The following SLC35F6 variants were observed in gnomAD, a reference collection of about 807,000 sequenced individuals.
SLC35F6 encodes solute carrier family 35 member F6.
SLC35F6 carries 26 observed loss-of-function variants against 29.4 expected under a neutral mutation model. The observed-to-expected ratio is 0.89, with a 90% CI of 0.65 to 1.23. The LOEUF is 1.23. SLC35F6 is among the 50% of genes most tolerant of loss of function. SLC35F6 has a pLI of 0.00. For missense variants in SLC35F6, 428 were observed against 487.8 expected (o/e 0.88, Z 1.15); for synonymous variants, 174 against 206.6 (o/e 0.84, Z 1.35).
intron 1 of SLC35F6, among the ~76,000 whole-genome samples, chr2:26,772,818 A>T (rs1220211063): frequency 1.3e-5 from 2 of 152,216 alleles, no homozygotes; most frequent in Non-Finnish European, 2.9e-5. Flanking sequence ...CAAGACAGAG[A>T]ATTTTCATGC....
intron 1 of SLC35F6, among the ~76,000 whole-genome samples, chr2:26,769,847 C>T (rs1395836574): frequency 1.3e-5 from 2 of 152,158 alleles, no homozygotes; most frequent in African/African-American, 4.8e-5. Flanking sequence ...GAATACCTGC[C>T]ATGTGCCAGG....
Position 26,764,323 on chromosome 2 carries a change from C to T in SLC35F6, c.-27C>T, listed in dbSNP as rs371944221. On this transcript the variant is annotated 5_prime_UTR_variant, in exon 1 of 6. Coordinates refer to ENST00000344420, the MANE Select transcript of SLC35F6 (RefSeq NM_017877.4). ...GGGTGACGGGGCCCGGCGCCGCTAA[C>T]TGGAGCGAACCCCAGCGTCCGCCGA... 1 of 1,548,594 alleles carries T rather than the reference C, an allele frequency of 6.5e-7. No homozygotes were observed. Among genetic ancestry groups the T allele is most frequent in the African/African-American group, 1.4e-5 (1 of 72,802 alleles).
Position 26,775,126 on chromosome 2 carries a change from C to T in SLC35F6, c.233C>T (p.Ser78Phe), listed in dbSNP as rs116799060. Residue 78 changes from serine to phenylalanine, a missense_variant, in exon 3 of 6, where the codon TCC becomes TTC. Physicochemically the swap from Ser to Phe is radical, Grantham distance 155. Coordinates refer to ENST00000344420, the MANE Select transcript of SLC35F6 (RefSeq NM_017877.4). The surrounding 1 kb of genome is among the most constrained non-coding windows in gnomAD (Gnocchi z 4.6). Reference sequence around the variant, plus strand: ...TGCAGAGCTGCAGGGCAATCAGACTCCAGCGTAGACCCCCAGCAGCCCTTC... The same window carrying T: ...TGCAGAGCTGCAGGGCAATCAGACTTCAGCGTAGACCCCCAGCAGCCCTTC... The part of the protein sequence containing the change: ...LRCRAAGQSD[S>F]SVDPQQPFNP... 6.2e-7 allele frequency: 1 copy of T among 1,614,154 alleles called. No individual in the cohort carries two copies. Among genetic ancestry groups the T allele is most frequent in the Non-Finnish European group, 8.5e-7 (1 of 1,180,040 alleles).
chr2:26,778,143 T>C lies in SLC35F6; in HGVS notation c.748T>C (p.Leu250=), dbSNP rs928979208. Residue 250 remains leucine, a synonymous_variant, in exon 6 of 6, where the codon TTG becomes CTG. Transcript: ENST00000344420. ...CCCTCGTGGGACACTGGAGGATGCA[T>C]TGGACGCCTTCTGCCAGGTGGGCCA... The part of the protein sequence containing the change: ...GNPRGTLEDA[L]DAFCQVGQQP... 14 of 1,614,190 alleles carry C rather than the reference T, an allele frequency of 8.7e-6. No individual in the cohort carries two copies. The highest frequency in any genetic ancestry group is 4.4e-5 in the South Asian group (4 of 91,080).
In SLC35F6 at chr2:26,778,084, T is replaced by G. The variant is rs997737574; in HGVS notation, c.689T>G (p.Met230Arg). Residue 230 changes from methionine (M) to arginine (R), a missense_variant, in exon 6 of 6, where the codon ATG becomes AGG. Met to Arg is a moderately conservative substitution (Grantham distance 91, BLOSUM62 -1). Coordinates refer to ENST00000344420, the MANE Select transcript of SLC35F6 (RefSeq NM_017877.4). ...FVILSLLLVP[M>R]YYIPAGSFSG... Reference sequence around the variant, plus strand: ...ATCCTCTCCCTGCTGCTGGTGCCCATGTACTACATCCCCGCCGGCTCCTTC... The same window carrying G: ...ATCCTCTCCCTGCTGCTGGTGCCCAGGTACTACATCCCCGCCGGCTCCTTC... 1.2e-6 allele frequency: 2 copies of G among 1,613,838 alleles called. No individual in the cohort carries two copies. The highest frequency in any genetic ancestry group is 1.7e-6 in the Non-Finnish European group (2 of 1,179,750).
chr2:26,773,455 A>G (rs1664236621), intron 1 of SLC35F6, among the ~76,000 whole-genome samples: 1 of 147,002 alleles, frequency 6.8e-6, no homozygotes, highest in African/African-American at 2.6e-5. Context: ...GTGAGCCGAG[A>G]TCTTGCCACT....
intron 1 of SLC35F6, 37 bp downstream of exon 1, chr2:26,764,463 G>C (rs1354490245): frequency 6.5e-7 from 1 of 1,549,272 alleles, no homozygotes; most frequent in Non-Finnish European, 8.7e-7. Context: ...GGGCCCTGGC[G>C]ACCCCGGCGC....
chr2:26,774,139 C>T (rs905097458), intron 1 of SLC35F6, 112 bp from the exon 2 acceptor site: 16 of 1,273,720 alleles, frequency 1.3e-5, no homozygotes, highest in Non-Finnish European at 1.8e-5. Context: ...GAGCCCCACT[C>T]TGGGGCCGGG....
At position 26,778,097 on chromosome 2, in the gene SLC35F6, C is replaced by T. The variant is rs756285954; in HGVS notation, c.702C>T (p.Pro234=). Residue 234 remains proline (P), a synonymous_variant, in exon 6 of 6, where the codon CCC becomes CCT. Coordinates refer to ENST00000344420, the MANE Select transcript of SLC35F6 (RefSeq NM_017877.4). The part of the protein sequence containing the change: ...SLLLVPMYYI[P]AGSFSGNPRG... ...TGCTGGTGCCCATGTACTACATCCCCGCCGGCTCCTTCAGCGGAAACCCTC... is the reference window on the plus strand; with the variant it reads ...TGCTGGTGCCCATGTACTACATCCCTGCCGGCTCCTTCAGCGGAAACCCTC... 1.5e-5 allele frequency: 24 copies of T among 1,614,066 alleles called. No individual in the cohort carries two copies. In the Admixed American group the frequency reaches 2.3e-4, roughly 16 times the overall value.
intron 1 of SLC35F6, 23 bp downstream of exon 1, chr2:26,764,449 G>T (rs1372911981): frequency 1.9e-6 from 3 of 1,550,538 alleles, no homozygotes; most frequent in African/African-American, 1.4e-5. Context: ...CCTGCCGGGC[G>T]TGCGGGCCCT....
At chr2:26,773,198 T>C (rs965611361) in intron 1 of SLC35F6, among the ~76,000 whole-genome samples, 2 of 152,014 alleles carry the variant, frequency 1.3e-5, no homozygotes. Flanking sequence ...TTTTAAAACG[T>C]GTAAATAAGA....
chr2:26,776,408 C>T lies in SLC35F6; in HGVS notation c.572C>T (p.Ala191Val). The T allele has an allele frequency of 6.2e-7, 1 of 1,614,192 alleles. No homozygotes were observed. Among genetic ancestry groups the T allele is most frequent in the Non-Finnish European group, 8.5e-7 (1 of 1,180,024 alleles). Residue 191 changes from alanine (A) to valine (V), a missense_variant, in exon 5 of 6, where the codon GCC becomes GTC. Ala to Val is a moderately conservative substitution (Grantham distance 64, BLOSUM62 0). Coordinates refer to ENST00000344420, the MANE Select transcript of SLC35F6 (RefSeq NM_017877.4). ...LLIIMAQIIV[A>V]IQMVLEEKFV... Reference sequence around the variant, plus strand: ...ATCATCATGGCCCAGATCATCGTTGCCATCCAGATGGTGCTAGAGGAGAAG... The same window carrying T: ...ATCATCATGGCCCAGATCATCGTTGTCATCCAGATGGTGCTAGAGGAGAAG...
At chr2:26,767,533 G>T (rs762603751) in intron 1 of SLC35F6, among the ~76,000 whole-genome samples, 1 of 152,184 alleles carries the variant, frequency 6.6e-6, no homozygotes, top group Non-Finnish European at 1.5e-5. Flanking sequence ...CCTGGCAGGG[G>T]GCCCCTCCCT....
At chr2:26,766,372 T>C (rs956232455) in intron 1 of SLC35F6, among the ~76,000 whole-genome samples, 1 of 152,198 alleles carries the variant, frequency 6.6e-6, no homozygotes, top group African/African-American at 2.4e-5. Context: ...CAGAAGCGGC[T>C]GGATCACTTG....
rs749529563 is a variant in SLC35F6, at chr2:26,778,517, C to T, written c.*6C>T. ...CCATCAATGATGCCAGCTGAGGTTC[C>T]CTGGAGGCTTCTACTGCCACCCGGG... On this transcript the variant is annotated 3_prime_UTR_variant, in exon 6 of 6. Coordinates refer to ENST00000344420, the MANE Select transcript of SLC35F6 (RefSeq NM_017877.4). 1.0e-5 allele frequency: 16 copies of T among 1,582,776 alleles called. No homozygotes were observed. The highest frequency in any genetic ancestry group is 1.4e-5 in the Non-Finnish European group (16 of 1,165,936).
intron 1 of SLC35F6, chr2:26,764,953 G>C (rs1664071037): frequency 1.0e-6 from 1 of 985,304 alleles, no homozygotes; most frequent in South Asian, 4.7e-5. Flanking sequence ...GAAAGTCTAC[G>C]GAAAGGCCAG....
At position 26,775,534 on chromosome 2, in the gene SLC35F6, C is replaced by T. The variant is rs1664281925; in HGVS notation, c.393C>T (p.Phe131=). ...CAGTGATCATATTCACTGGCCTGTTCTCGGTGGCCTTCCTGGGCCGGAGGC... is the reference window on the plus strand; with the variant it reads ...CAGTGATCATATTCACTGGCCTGTTTTCGGTGGCCTTCCTGGGCCGGAGGC... ...RGAVIIFTGL[F]SVAFLGRRLV... is the part of the protein sequence containing the mutation. Residue 131 remains phenylalanine, a synonymous_variant, in exon 4 of 6, where the codon TTC becomes TTT. Transcript: ENST00000344420. This position sits in a 1 kb window ranked among gnomAD's most constrained non-coding sequence, Gnocchi z 4.6. 3 of 1,611,184 alleles carry T rather than the reference C, an allele frequency of 1.9e-6. No homozygotes were observed. Among genetic ancestry groups the T allele is most frequent in the African/African-American group, 2.7e-5 (2 of 75,040 alleles).
chr2:26,772,163 G>A (rs1664208836), intron 1 of SLC35F6, among the ~76,000 whole-genome samples: 2 of 152,270 alleles, frequency 1.3e-5, no homozygotes, highest in Non-Finnish European at 2.9e-5. Flanking sequence ...GGCATATAGA[G>A]AAGCCAAAGC....
chr2:26,766,571 C>CT (rs1335203957), intron 1 of SLC35F6, among the ~76,000 whole-genome samples: 1 of 151,440 alleles, frequency 6.6e-6, no homozygotes, highest in South Asian at 2.1e-4. Context: ...GCCCTCCAAC[C>CT]TGGGTGACAG....
Sources: gnomAD v4.1 joint callset for allele counts (sites outside exome capture counted in the v4.1 genomes callset) on GRCh38, gnomAD v4.1.1 for gene constraint, Gnocchi (gnomAD v3.1) non-coding constraint, MANE v1.5 for transcripts, NCBI Gene and HGNC (gene_info 2026-07-23, HGNC 2026-07-21) for gene names.